The following ENOX1 variants were observed in gnomAD, a reference collection of about 807,000 sequenced individuals.
ENOX1 encodes the protein ecto-NOX disulfide-thiol exchanger 1.
A neutral mutation model predicts 82.5 loss-of-function variants in ENOX1; 42 were observed. The ratio of observed to expected loss-of-function variants is 0.51; its 90% CI spans 0.40 to 0.66. The LOEUF (loss-of-function observed/expected upper bound fraction) is 0.66. ENOX1 is among the 30% of genes least tolerant of loss of function. The pLI, the probability that ENOX1 is intolerant of heterozygous loss-of-function variation, is 0.00. For synonymous variants in ENOX1, 271 were observed against 282.2 expected, an observed-to-expected ratio of 0.96 and a Z score of 0.40; for missense variants, 608 against 811.6, an observed-to-expected ratio of 0.75 and a Z score of 3.05.
At chr13:43,578,756 A>T (rs777334408) in intron 2 of ENOX1, among the ~76,000 whole-genome samples, 1 of 152,196 alleles carries the variant, frequency 6.6e-6, no homozygotes, top group Non-Finnish European at 1.5e-5. Flanking sequence ...AACCACCCTT[A>T]GCAGAGTGCC....
intron 2 of ENOX1, among the ~76,000 whole-genome samples, chr13:43,651,695 T>TAAAAAAAAAAAAAAAAAAAAAAAAAAA (rs57810969): frequency 1.0e-5 from 1 of 96,972 alleles, no homozygotes; most frequent in Non-Finnish European, 2.3e-5. Flanking sequence ...AGACTCTGTC[T>TAAAAAAAAAAAAAAAAAAAAAAAAAAA]AAAAAAAAAA....
At chr13:43,676,040 G>A (rs905520136) in intron 1 of ENOX1, among the ~76,000 whole-genome samples, 1 of 152,136 alleles carries the variant, frequency 6.6e-6, no homozygotes, top group African/African-American at 2.4e-5. Flanking sequence ...TGAACCACAA[G>A]GCATCTACTG....
chr13:43,494,685 A>C (rs2076734074), intron 2 of ENOX1, among the ~76,000 whole-genome samples: 1 of 152,216 alleles, frequency 6.6e-6, no homozygotes, highest in Non-Finnish European at 1.5e-5. Flanking sequence ...GATGATTGTG[A>C]AATTGAGAAT....
chr13:43,376,143 A>T (rs1290538877), intron 5 of ENOX1, among the ~76,000 whole-genome samples: 1 of 152,210 alleles, frequency 6.6e-6, no homozygotes, highest in East Asian at 1.9e-4. Flanking sequence ...ACCAAAACAG[A>T]TCTTCATGTT....
intron 9 of ENOX1, among the ~76,000 whole-genome samples, chr13:43,342,665 A>G (rs552585657): frequency 6.6e-6 from 1 of 152,278 alleles, no homozygotes; most frequent in African/African-American, 2.4e-5. Flanking sequence ...GCCTCCAGGT[A>G]ATGTGGCTGG....
At position 43,424,055 on chromosome 13, in the gene ENOX1, T is replaced by C. The variant is rs145921326; in HGVS notation, c.-74-11067A>G. 1.6e-3 allele frequency among the ~76,000 whole-genome samples: 246 copies of C among 152,284 alleles called. 1 individual carries two copies. The highest frequency in any genetic ancestry group is 6.8e-3 in the Middle Eastern group (2 of 294). On this transcript the variant is annotated intron_variant, in intron 3 of 16. Transcript: ENST00000690772. The stretch of plus-strand genomic sequence containing the variant: ...AGGTGGATGTCAGGCTTCAAAGATA[T>C]AGCCATCAAAAGAGGTGAATTCTAT...
intron 2 of ENOX1, among the ~76,000 whole-genome samples, chr13:43,551,945 G>C (rs1024287932): frequency 2.6e-5 from 4 of 152,124 alleles, no homozygotes; most frequent in African/African-American, 9.7e-5. Flanking sequence ...CTGGTTTTAT[G>C]AGGAGCTGGG....
intron 3 of ENOX1, among the ~76,000 whole-genome samples, chr13:43,441,529 C>A (rs1043773873): frequency 1.3e-5 from 2 of 152,056 alleles, no homozygotes; most frequent in Admixed American, 6.6e-5. Context: ...ATTCATTAAC[C>A]CAGGGCTACT....
At chr13:43,705,857 C>CT (rs2087244399) in intron 1 of ENOX1, among the ~76,000 whole-genome samples, 1 of 151,994 alleles carries the variant, frequency 6.6e-6, no homozygotes, top group African/African-American at 2.4e-5. Context: ...AAGCAAAATT[C>CT]ATATAGTACA....
chr13:43,785,776 G>A (rs997660172), intron 1 of ENOX1, among the ~76,000 whole-genome samples: 2 of 152,160 alleles, frequency 1.3e-5, no homozygotes, highest in Non-Finnish European at 2.9e-5. Context: ...CCGAAAGAGG[G>A]CGGGGTTACG....
intron 16 of ENOX1, among the ~76,000 whole-genome samples, chr13:43,216,991 G>A (rs1198548164): frequency 6.6e-6 from 1 of 152,158 alleles, no homozygotes; most frequent in Non-Finnish European, 1.5e-5. Context: ...ACTCTCATAA[G>A]ATAGGGAATA....
At chr13:43,736,718 G>A (rs2089651536) in intron 1 of ENOX1, among the ~76,000 whole-genome samples, 1 of 152,188 alleles carries the variant, frequency 6.6e-6, no homozygotes, top group Admixed American at 6.5e-5. Flanking sequence ...TGTCTAGGTG[G>A]GAAGCTCTGC....
At chr13:43,276,314 C>T (rs2045030264) in intron 12 of ENOX1, among the ~76,000 whole-genome samples, 1 of 152,188 alleles carries the variant, frequency 6.6e-6, no homozygotes, top group Admixed American at 6.5e-5. Flanking sequence ...CCCATCCTGC[C>T]TCTGTAACCC....
intron 3 of ENOX1, among the ~76,000 whole-genome samples, chr13:43,481,955 C>T (rs528028184): frequency 6.2e-4 from 94 of 152,178 alleles, no homozygotes; most frequent in Non-Finnish European, 1.1e-3. Flanking sequence ...AAAACCACAA[C>T]GAAGTATCAC....
intron 14 of ENOX1, among the ~76,000 whole-genome samples, chr13:43,263,449 A>G (rs539660144): frequency 1.3e-5 from 2 of 152,254 alleles, no homozygotes; most frequent in African/African-American, 4.8e-5. Context: ...ATCTTAAAAA[A>G]GCTGAAAACT....
chr13:43,539,515 C>T (rs964062498), intron 2 of ENOX1, among the ~76,000 whole-genome samples: 3 of 152,024 alleles, frequency 2.0e-5, no homozygotes, highest in Non-Finnish European at 4.4e-5. Context: ...TTGTTACTGT[C>T]TTGTAGCTTA....
chr13:43,562,043 A>C (rs1442467599), intron 2 of ENOX1, among the ~76,000 whole-genome samples: 8 of 152,088 alleles, frequency 5.3e-5, no homozygotes, highest in Admixed American at 5.2e-4. Context: ...GAAATGCAGC[A>C]AGGAGAAGAG....
At chr13:43,296,646 G>C (rs2046301014) in intron 12 of ENOX1, among the ~76,000 whole-genome samples, 1 of 152,160 alleles carries the variant, frequency 6.6e-6, no homozygotes, top group Non-Finnish European at 1.5e-5. Context: ...CAGGAGGATG[G>C]CTCAGGTGGT....
At position 43,243,401 on chromosome 13, in the gene ENOX1, G is replaced by A. The variant is rs990894920; in HGVS notation, c.1612-6663C>T. 2.0e-5 allele frequency among the ~76,000 whole-genome samples: 3 copies of A among 152,108 alleles called. No individual in the cohort carries two copies. In the South Asian group the frequency reaches 6.2e-4, roughly 32 times the overall value. On this transcript the variant is annotated intron_variant, in intron 14 of 16. Coordinates refer to ENST00000690772, the MANE Select transcript of ENOX1 (RefSeq NM_001347969.2). ...AAATTCTCTCAAGTGTCTGTGAGAT[G>A]TCTCTCCTGCTGCATTCCCATTTCC...
Sources: allele counts gnomAD v4.1 joint callset (sites outside exome capture counted in the v4.1 genomes callset), GRCh38; gene constraint gnomAD v4.1.1; transcripts MANE v1.5; gene names NCBI Gene and HGNC (gene_info 2026-07-23, HGNC 2026-07-21).